Variants in FARS2 observed in about 807,000 individuals in gnomAD.
The protein encoded by FARS2 is phenylalanyl-tRNA synthetase 2, mitochondrial.
A neutral mutation model predicts 46.4 loss-of-function variants in FARS2; 40 were observed. The ratio of observed to expected loss-of-function variants is 0.86; its 90% CI spans 0.67 to 1.12. FARS2 has a LOEUF of 1.12. Among genes scored for constraint, FARS2 ranks in the 50% most tolerant of loss-of-function variants. The pLI, the probability that FARS2 is intolerant of heterozygous loss-of-function variation, is 0.00. For synonymous variants in FARS2, 234 were observed against 214.9 expected, an observed-to-expected ratio of 1.09 and a Z score of -0.78; for missense variants, 513 against 567.9, an observed-to-expected ratio of 0.90 and a Z score of 0.98.
chr6:5,372,963 C>T (rs1347355629), intron 2 of FARS2, among the ~76,000 whole-genome samples: 2 of 151,894 alleles, frequency 1.3e-5, no homozygotes, highest in South Asian at 2.1e-4. Context: ...TTTGAATATC[C>T]CCAAATCTTA....
At chr6:5,586,930 C>T (rs1773642835) in intron 5 of FARS2, among the ~76,000 whole-genome samples, 1 of 152,100 alleles carries the variant, frequency 6.6e-6, no homozygotes, top group African/African-American at 2.4e-5. Context: ...TCTCTATAAC[C>T]TACCAAGGTT....
At chr6:5,723,116 G>T (rs1760017103) in intron 6 of FARS2, among the ~76,000 whole-genome samples, 1 of 152,038 alleles carries the variant, frequency 6.6e-6, no homozygotes, top group African/African-American at 2.4e-5. Flanking sequence ...GGGTTTTGTG[G>T]GTGTTTGTGA....
At position 5,520,223 on chromosome 6, in the gene FARS2, G is replaced by A. The variant is rs188520952; in HGVS notation, c.905-24957G>A. Among the ~76,000 whole-genome samples the A allele has an allele frequency of 5.9e-5, 9 of 152,176 alleles. No homozygotes were observed. In the East Asian group the frequency reaches 1.7e-3, roughly 29 times the overall value. On this transcript the variant is annotated intron_variant, in intron 4 of 6. Transcript: ENST00000274680. ...GGTTGATTTTTTTAAATTTAATAATGTTATTATTTCTAGGTTCCTGAGGCC... is the reference window on the plus strand; with the variant it reads ...GGTTGATTTTTTTAAATTTAATAATATTATTATTTCTAGGTTCCTGAGGCC...
chr6:5,675,199 GACACAC>G (rs3057239), intron 6 of FARS2, among the ~76,000 whole-genome samples: 2,652 of 144,994 alleles, frequency 0.018, 22 homozygotes, highest in Non-Finnish European at 0.022. Flanking sequence ...TTTGCAGATA[GACACAC>G]ACACACACAC....
intron 6 of FARS2, among the ~76,000 whole-genome samples, chr6:5,718,491 T>A (rs1258068465): frequency 6.6e-6 from 1 of 152,248 alleles, no homozygotes; most frequent in Non-Finnish European, 1.5e-5. Context: ...ACAACTTCCC[T>A]ATTTTCAGAC....
At chr6:5,500,055 A>T (rs1252680584) in intron 4 of FARS2, among the ~76,000 whole-genome samples, 1 of 152,152 alleles carries the variant, frequency 6.6e-6, no homozygotes, top group African/African-American at 2.4e-5. Flanking sequence ...TCCTTTCCAA[A>T]TGTGTTGTTT....
At position 5,731,005 on chromosome 6, in the gene FARS2, C is replaced by T. The variant is rs77010633; in HGVS notation, c.1218-40286C>T. 5.3e-4 allele frequency among the ~76,000 whole-genome samples: 80 copies of T among 152,246 alleles called. No individual in the cohort carries two copies. The East Asian group carries it at 0.013, about 24-fold the overall frequency. On this transcript the variant is annotated intron_variant, in intron 6 of 6. Coordinates refer to ENST00000274680, the MANE Select transcript of FARS2 (RefSeq NM_006567.5). ...CACTGCTGGCTCTGAAAGCATCAAC[C>T]CTAATGACTACACGCTCATTTGTCT...
At chr6:5,739,551 G>T (rs1761186496) in intron 6 of FARS2, among the ~76,000 whole-genome samples, 1 of 152,190 alleles carries the variant, frequency 6.6e-6, no homozygotes, top group Non-Finnish European at 1.5e-5. Context: ...GCCCTCAGGT[G>T]CCCAGTGGCC....
At chr6:5,485,661 CTTT>C in intron 4 of FARS2, among the ~76,000 whole-genome samples, 1 of 152,258 alleles carries the variant, frequency 6.6e-6, no homozygotes, top group East Asian at 1.9e-4. Context: ...TTTTTTAGAT[CTTT>C]TAACAAATGT....
At chr6:5,659,270 A>T (rs1455341812) in intron 6 of FARS2, among the ~76,000 whole-genome samples, 2 of 152,154 alleles carry the variant, frequency 1.3e-5, no homozygotes, top group African/African-American at 4.8e-5. Context: ...CAGAGAAACA[A>T]CGCTTTTCCA....
intron 1 of FARS2, among the ~76,000 whole-genome samples, chr6:5,356,014 G>T (rs879297874): frequency 6.6e-6 from 1 of 152,170 alleles, no homozygotes; most frequent in Non-Finnish European, 1.5e-5. Flanking sequence ...TGCCCGATGC[G>T]CATGTTCCCA....
chr6:5,677,945 A>G (rs538005109), intron 6 of FARS2, among the ~76,000 whole-genome samples: 2 of 152,308 alleles, frequency 1.3e-5, no homozygotes, highest in South Asian at 4.1e-4. Context: ...CAATGAAAGT[A>G]TGGATTCGAA....
intron 4 of FARS2, among the ~76,000 whole-genome samples, chr6:5,528,482 T>C (rs2150447117): frequency 6.6e-6 from 1 of 152,336 alleles, no homozygotes; most frequent in South Asian, 2.1e-4. Flanking sequence ...TTTGCATATG[T>C]ATTTATAGGT....
At chr6:5,379,568 G>A (rs1370345627) in intron 2 of FARS2, among the ~76,000 whole-genome samples, 1 of 152,214 alleles carries the variant, frequency 6.6e-6, no homozygotes, top group Non-Finnish European at 1.5e-5. Flanking sequence ...GGTTCACTGA[G>A]TGGCTCAGAA....
intron 6 of FARS2, among the ~76,000 whole-genome samples, chr6:5,721,621 A>G (rs1212251638): frequency 1.3e-5 from 2 of 152,206 alleles, no homozygotes; most frequent in Non-Finnish European, 2.9e-5. Flanking sequence ...TTCATTATCT[A>G]AGATCAAAAA....
intron 6 of FARS2, among the ~76,000 whole-genome samples, chr6:5,751,989 G>A (rs760253520): frequency 2.0e-5 from 3 of 152,140 alleles, no homozygotes; most frequent in Non-Finnish European, 4.4e-5. Flanking sequence ...GGTGTCCTGG[G>A]ATGCGTCATG....
intron 5 of FARS2, among the ~76,000 whole-genome samples, chr6:5,550,974 C>T (rs1030328734): frequency 6.6e-6 from 1 of 152,212 alleles, no homozygotes; most frequent in African/African-American, 2.4e-5. Flanking sequence ...TCATGGCTTT[C>T]TCTCCAAAGC....
chr6:5,669,563 CT>C (rs1350793881), intron 6 of FARS2, among the ~76,000 whole-genome samples: 2 of 152,298 alleles, frequency 1.3e-5, no homozygotes, highest in African/African-American at 2.4e-5. Flanking sequence ...TTGTGTTGCT[CT>C]TTTCCCTGAT....
At chr6:5,419,589 A>T (rs1207214407) in intron 3 of FARS2, among the ~76,000 whole-genome samples, 4 of 152,154 alleles carry the variant, frequency 2.6e-5, no homozygotes, top group South Asian at 4.1e-4. Context: ...TAGGCTTGAA[A>T]TCCAGAGTGA....
Sources: gnomAD v4.1 joint callset for allele counts (sites outside exome capture counted in the v4.1 genomes callset) on GRCh38, gnomAD v4.1.1 for gene constraint, MANE v1.5 for transcripts, NCBI Gene and HGNC (gene_info 2026-07-23, HGNC 2026-07-21) for gene names.